The following SH3RF3 variants were observed in gnomAD, a reference collection of about 807,000 sequenced individuals.
The protein encoded by SH3RF3 is E3 ubiquitin-protein ligase SH3RF3.
A neutral mutation model predicts 66.3 loss-of-function variants in SH3RF3; 29 were observed. The ratio of observed to expected loss-of-function variants is 0.44; its 90% CI spans 0.33 to 0.60. The LOEUF is 0.60. Among genes scored for constraint, SH3RF3 ranks in the 20% least tolerant of loss-of-function variants. The pLI, the probability that SH3RF3 is intolerant of heterozygous loss-of-function variation, is 0.04. For synonymous variants in SH3RF3, 583 were observed against 532.0 expected, an observed-to-expected ratio of 1.10 and a Z score of -1.32; for missense variants, 1,194 against 1,190.9, an observed-to-expected ratio of 1.00 and a Z score of -0.04.
intron 1 of SH3RF3, among the ~76,000 whole-genome samples, chr2:109,212,735 T>C (rs1192265163): frequency 6.6e-6 from 1 of 152,230 alleles, no homozygotes; most frequent in Non-Finnish European, 1.5e-5. Flanking sequence ...ATTCTCTCTT[T>C]GCCCGTGGCC....
chr2:109,432,433 G>A (rs1677258109), intron 5 of SH3RF3, 68 bp from the exon 6 acceptor site: 1 of 1,579,924 alleles, frequency 6.3e-7, no homozygotes, highest in African/African-American at 1.4e-5. Context: ...CCTCCCCCCA[G>A]GAATGCCGGC....
At chr2:109,187,927 C>T (rs1678236296) in intron 1 of SH3RF3, among the ~76,000 whole-genome samples, 1 of 152,162 alleles carries the variant, frequency 6.6e-6, no homozygotes, top group African/African-American at 2.4e-5. Flanking sequence ...TGTCAGGACT[C>T]TCAGGAACCC....
intron 1 of SH3RF3, among the ~76,000 whole-genome samples, chr2:109,148,386 A>AT (rs1282922293): frequency 1.4e-4 from 21 of 152,342 alleles, no homozygotes; most frequent in African/African-American, 5.1e-4. Context: ...TGAGCCAGCC[A>AT]TCATAGGGAG....
At chr2:109,354,325 C>T (rs1180964755) in intron 2 of SH3RF3, among the ~76,000 whole-genome samples, 1 of 152,182 alleles carries the variant, frequency 6.6e-6, no homozygotes, top group African/African-American at 2.4e-5. Flanking sequence ...CCGGCAGGGT[C>T]AGGGGCCTTC....
chr2:109,304,453 G>A (rs1078253), intron 1 of SH3RF3, among the ~76,000 whole-genome samples: 48,065 of 151,714 alleles, frequency 0.32, 9,525 homozygotes, highest in African/African-American at 0.57. Flanking sequence ...GCCCCACGTT[G>A]TCTGCTAGGG....
intron 7 of SH3RF3, among the ~76,000 whole-genome samples, chr2:109,439,106 A>T (rs1431677108): frequency 3.3e-5 from 5 of 152,166 alleles, no homozygotes; most frequent in African/African-American, 1.2e-4. Context: ...CCTGCCAGTC[A>T]CTTCTCCCTC....
At chr2:109,230,348 G>C (rs576758113) in intron 1 of SH3RF3, among the ~76,000 whole-genome samples, 2 of 152,046 alleles carry the variant, frequency 1.3e-5, no homozygotes, top group African/African-American at 4.8e-5. Flanking sequence ...AGGCCAAGGT[G>C]GGGGGCTCTC....
intron 9 of SH3RF3, among the ~76,000 whole-genome samples, 157 bp downstream of exon 9, chr2:109,491,093 T>G (rs1433349581): frequency 6.6e-6 from 1 of 152,184 alleles, no homozygotes; most frequent in Non-Finnish European, 1.5e-5. Context: ...GCTTGGGTGG[T>G]GAGTGCTGGA....
At chr2:109,472,223 A>G (rs1160775139) in intron 8 of SH3RF3, among the ~76,000 whole-genome samples, 2 of 152,312 alleles carry the variant, frequency 1.3e-5, no homozygotes, top group Admixed American at 6.5e-5. Flanking sequence ...AAAAGCCCAA[A>G]TCAGGGCACT....
At chr2:109,360,397 G>A (rs562323295) in intron 2 of SH3RF3, among the ~76,000 whole-genome samples, 3 of 152,210 alleles carry the variant, frequency 2.0e-5, no homozygotes, top group East Asian at 3.9e-4. Context: ...CTTTTTGTAG[G>A]CTCGATGTAC....
chr2:109,398,567 C>T, intron 3 of SH3RF3, 23 bp from the exon 4 acceptor site: 1 of 1,525,654 alleles, frequency 6.6e-7, no homozygotes, highest in Non-Finnish European at 8.8e-7. Context: ...AATGCAGCCT[C>T]CCCTCTCCCC....
At chr2:109,170,287 C>G (rs1215232270) in intron 1 of SH3RF3, among the ~76,000 whole-genome samples, 2 of 121,038 alleles carry the variant, frequency 1.7e-5, no homozygotes, top group East Asian at 7.3e-4. Flanking sequence ...CTCTTCTCTT[C>G]TCTTCTCTTC....
At position 109,501,993 on chromosome 2, in the gene SH3RF3, G is replaced by A. The variant is rs1343846939; in HGVS notation, c.*322G>A. 2.7e-5 allele frequency: 8 copies of A among 291,574 alleles called. No homozygotes were observed. Among genetic ancestry groups the A allele is most frequent in the South Asian group, 1.8e-4 (3 of 16,880 alleles). 18.1% of individuals were successfully genotyped at this position (291,574 alleles called of 1,614,324 possible). ...GGCTGTGGTTTGCAGCCATGGCAGC[G>A]TTCTCATTTACCACCTAAGCAGGGT... On this transcript the variant is annotated 3_prime_UTR_variant, in exon 10 of 10. Transcript: ENST00000309415.
intron 5 of SH3RF3, among the ~76,000 whole-genome samples, chr2:109,423,493 A>T (rs993962067): frequency 6.6e-6 from 1 of 152,220 alleles, no homozygotes; most frequent in Non-Finnish European, 1.5e-5. Context: ...AAACCATGCC[A>T]ACACAAGACA....
chr2:109,456,048 G>GTGCAGCCACAGTCTGA (rs1391977407), intron 8 of SH3RF3, among the ~76,000 whole-genome samples: 5 of 152,346 alleles, frequency 3.3e-5, no homozygotes, highest in African/African-American at 1.2e-4. Flanking sequence ...CTGTCATCAG[G>GTGCAGCCACAGTCTGA]TGCAGCCACA....
intron 1 of SH3RF3, among the ~76,000 whole-genome samples, chr2:109,162,827 C>T (rs1318773601): frequency 6.6e-6 from 1 of 152,158 alleles, no homozygotes; most frequent in Non-Finnish European, 1.5e-5. Flanking sequence ...ATGTTTAGCC[C>T]CTTGGCTGGG....
At chr2:109,495,606 G>C (rs775192784) in intron 9 of SH3RF3, among the ~76,000 whole-genome samples, 6 of 137,020 alleles carry the variant, frequency 4.4e-5, no homozygotes, top group Non-Finnish European at 9.3e-5. Context: ...CTTGTGCCCA[G>C]CTTCCCAAGT....
chr2:109,148,058 A>G (rs1677139709), intron 1 of SH3RF3, among the ~76,000 whole-genome samples: 1 of 152,108 alleles, frequency 6.6e-6, no homozygotes, highest in Non-Finnish European at 1.5e-5. Context: ...GTGACTGTGG[A>G]ATTCGAGTTC....
Position 109,371,296 on chromosome 2 carries a change from A to T in SH3RF3, c.850-290A>T, listed in dbSNP as rs371076643. Among the ~76,000 whole-genome samples, 15 of 152,358 alleles carry T rather than the reference A, an allele frequency of 9.8e-5. No individual in the cohort carries two copies. In the East Asian group the frequency reaches 1.4e-3, roughly 14 times the overall value. On this transcript the variant is annotated intron_variant, in intron 2 of 9. Transcript: ENST00000309415. Reference sequence around the variant, plus strand: ...TCCCAGCTACTTGGAAGGCTGAGGCAGGAGAATCGCTTGAACCCCGGAGGC... The same window carrying T: ...TCCCAGCTACTTGGAAGGCTGAGGCTGGAGAATCGCTTGAACCCCGGAGGC...
Sources: gnomAD v4.1 joint callset for allele counts (sites outside exome capture counted in the v4.1 genomes callset) on GRCh38, gnomAD v4.1.1 for gene constraint, MANE v1.5 for transcripts, NCBI Gene and HGNC (gene_info 2026-07-23, HGNC 2026-07-21) for gene names.